The following MEGF11 variants were observed in gnomAD, a reference collection of about 807,000 sequenced individuals.
The protein encoded by MEGF11 is multiple epidermal growth factor-like domains protein 11.
A neutral mutation model predicts 146.6 loss-of-function variants in MEGF11; 126 were observed. The ratio of observed to expected loss-of-function variants is 0.86; its 90% CI spans 0.74 to 1.00. MEGF11 has a LOEUF of 1.00. Among genes scored for constraint, MEGF11 ranks in the 50% least tolerant of loss-of-function variants. The pLI is 0.00. For synonymous variants in MEGF11, 532 were observed against 583.4 expected, an observed-to-expected ratio of 0.91 and a Z score of 1.27; for missense variants, 1,509 against 1,521.2, an observed-to-expected ratio of 0.99 and a Z score of 0.13.
Position 66,144,390 on chromosome 15 carries a change from C to T in MEGF11, c.-8-15979G>A, listed in dbSNP as rs114556181. On this transcript the variant is annotated intron_variant, in intron 1 of 25. Transcript: ENST00000395614. Reference sequence around the variant, plus strand: ...GACCTTGTTCTTTCTTCGTCTCTTTCTCCCTTCCCACCCCACAGCACAGGT... The same window carrying T: ...GACCTTGTTCTTTCTTCGTCTCTTTTTCCCTTCCCACCCCACAGCACAGGT... Among the ~76,000 whole-genome samples, 1,251 of 152,286 alleles carry T rather than the reference C, an allele frequency of 8.2e-3. 19 individuals are homozygous for T. The highest frequency in any genetic ancestry group is 0.029 in the African/African-American group (1,195 of 41,556).
chr15:66,165,458 C>T (rs962719409), intron 1 of MEGF11, among the ~76,000 whole-genome samples: 2 of 152,168 alleles, frequency 1.3e-5, no homozygotes, highest in African/African-American at 4.8e-5. Context: ...GAACTAGTCA[C>T]CACCACCAGC....
chr15:65,960,333 G>A (rs920881310), intron 9 of MEGF11, among the ~76,000 whole-genome samples: 1 of 152,242 alleles, frequency 6.6e-6, no homozygotes, highest in Non-Finnish European at 1.5e-5. Flanking sequence ...AAGAATGGGT[G>A]TAAAGGATGA....
chr15:66,107,904 C>T (rs1555471387), intron 4 of MEGF11, among the ~76,000 whole-genome samples: 1 of 152,112 alleles, frequency 6.6e-6, no homozygotes, highest in Non-Finnish European at 1.5e-5. Flanking sequence ...GTGAGAGAAA[C>T]AATAAACACA....
intron 1 of MEGF11, among the ~76,000 whole-genome samples, chr15:66,161,780 G>C (rs2089960254): frequency 6.6e-6 from 1 of 152,176 alleles, no homozygotes; most frequent in Non-Finnish European, 1.5e-5. Flanking sequence ...TAGGCACTCA[G>C]TGAGCACCTA....
chr15:65,933,231 C>G (rs558556736), intron 10 of MEGF11, among the ~76,000 whole-genome samples: 2 of 152,218 alleles, frequency 1.3e-5, no homozygotes, highest in African/African-American at 4.8e-5. Context: ...TTCCCATTAC[C>G]CAGAAAACTC....
At chr15:66,124,051 G>A in intron 2 of MEGF11, 51 bp from the exon 3 acceptor site, 1 of 1,460,404 alleles carries the variant, frequency 6.8e-7, no homozygotes, top group Non-Finnish European at 9.6e-7. Flanking sequence ...GGGAAGCTGA[G>A]CTGATATTCC....
intron 1 of MEGF11, among the ~76,000 whole-genome samples, chr15:66,138,303 G>A (rs2088985929): frequency 6.6e-6 from 1 of 152,182 alleles, no homozygotes; most frequent in African/African-American, 2.4e-5. Flanking sequence ...CCATCTGGCT[G>A]CGGTGAGACT....
intron 1 of MEGF11, among the ~76,000 whole-genome samples, chr15:66,209,743 C>T (rs968982754): frequency 6.6e-6 from 1 of 151,842 alleles, no homozygotes; most frequent in African/African-American, 2.4e-5. Flanking sequence ...TTAGTGGTTG[C>T]CTGGGGTTTA....
intron 1 of MEGF11, among the ~76,000 whole-genome samples, chr15:66,159,896 C>T (rs2141070698): frequency 6.6e-6 from 1 of 152,186 alleles, no homozygotes; most frequent in South Asian, 2.1e-4. Flanking sequence ...CATGAGCTCT[C>T]TGTGGACAAG....
chr15:66,083,212 A>G (rs1341856679), intron 5 of MEGF11, among the ~76,000 whole-genome samples: 1 of 152,222 alleles, frequency 6.6e-6, no homozygotes, highest in African/African-American at 2.4e-5. Flanking sequence ...CAGGAGCACA[A>G]TCATTTCTGG....
intron 9 of MEGF11, among the ~76,000 whole-genome samples, chr15:65,961,623 G>A (rs1353792175): frequency 1.3e-5 from 2 of 152,192 alleles, no homozygotes; most frequent in East Asian, 3.8e-4. Context: ...ATGAAGAGTT[G>A]GAGAATCTCA....
chr15:66,052,312 G>A (rs2084482249), intron 5 of MEGF11, among the ~76,000 whole-genome samples: 1 of 152,230 alleles, frequency 6.6e-6, no homozygotes, highest in African/African-American at 2.4e-5. Context: ...ATGGTGAGAT[G>A]ATGGCCCAGC....
chr15:66,022,702 T>C (rs1172657373), intron 5 of MEGF11, among the ~76,000 whole-genome samples: 1 of 151,146 alleles, frequency 6.6e-6, no homozygotes, highest in African/African-American at 2.4e-5. Flanking sequence ...TGGTGGCGCA[T>C]GCCTGTACTT....
At chr15:65,991,252 G>T (rs1049831625) in intron 5 of MEGF11, among the ~76,000 whole-genome samples, 2 of 152,140 alleles carry the variant, frequency 1.3e-5, no homozygotes, top group East Asian at 3.9e-4. Context: ...CCCTAACCCC[G>T]AGAGCTTACC....
At chr15:66,205,983 T>C (rs949701609) in intron 1 of MEGF11, among the ~76,000 whole-genome samples, 1 of 152,220 alleles carries the variant, frequency 6.6e-6, no homozygotes, top group Non-Finnish European at 1.5e-5. Context: ...ATGACAGAGA[T>C]GTTAAAAATT....
intron 10 of MEGF11, among the ~76,000 whole-genome samples, chr15:65,953,166 C>T (rs1009989834): frequency 1.4e-4 from 21 of 152,196 alleles, no homozygotes; most frequent in Admixed American, 6.5e-5. Flanking sequence ...CATAGCTTAC[C>T]GGTAATTGCT....
chr15:66,171,369 A>T (rs890969875), intron 1 of MEGF11, among the ~76,000 whole-genome samples: 1 of 152,192 alleles, frequency 6.6e-6, no homozygotes, highest in African/African-American at 2.4e-5. Flanking sequence ...CCTTGCCTCT[A>T]AGATTCTGGT....
At chr15:66,125,069 C>A (rs1332873292) in intron 2 of MEGF11, among the ~76,000 whole-genome samples, 2 of 152,218 alleles carry the variant, frequency 1.3e-5, no homozygotes, top group Non-Finnish European at 2.9e-5. Flanking sequence ...GCCAGCTCCC[C>A]AAGTGGGTCC....
At chr15:66,149,056 C>T (rs923937455) in intron 1 of MEGF11, among the ~76,000 whole-genome samples, 2 of 152,204 alleles carry the variant, frequency 1.3e-5, no homozygotes, top group Non-Finnish European at 2.9e-5. Flanking sequence ...CAAGGGTCTG[C>T]GCCCGGCAGG....
Sources: gnomAD v4.1 joint callset for allele counts (sites outside exome capture counted in the v4.1 genomes callset) on GRCh38, gnomAD v4.1.1 for gene constraint, MANE v1.5 for transcripts, NCBI Gene and HGNC (gene_info 2026-07-23, HGNC 2026-07-21) for gene names.